Variants in PPFIBP2 observed in about 807,000 individuals in gnomAD.
PPFIBP2 encodes PPFIB scaffold protein 2.
Under a neutral mutation model 118.3 loss-of-function variants are expected in PPFIBP2, and 118 were observed. That is an observed-to-expected ratio of 1.00 (90% confidence interval 0.86 to 1.16). PPFIBP2 has a LOEUF of 1.16. Ranked by LOEUF, PPFIBP2 falls within the 50% of genes most tolerant of loss-of-function variation. PPFIBP2 has a pLI of 0.00. For missense variants in PPFIBP2, 1,195 were observed against 1,073.1 expected (o/e 1.11, Z -1.59); for synonymous variants, 414 against 397.4 (o/e 1.04, Z -0.50).
At chr11:7,566,636 AG>A (rs1384666921) in intron 3 of PPFIBP2, among the ~76,000 whole-genome samples, 2 of 152,196 alleles carry the variant, frequency 1.3e-5, no homozygotes, top group Admixed American at 1.3e-4. Flanking sequence ...CAAAAGTGCT[AG>A]GATTATAAGC....
chr11:7,555,827 A>C (rs1468580617), intron 2 of PPFIBP2, among the ~76,000 whole-genome samples: 1 of 152,166 alleles, frequency 6.6e-6, no homozygotes, highest in Non-Finnish European at 1.5e-5. Flanking sequence ...TAAGGCTGGA[A>C]CTATGTGTTC....
At chr11:7,576,470 C>G (rs936159421) in intron 3 of PPFIBP2, 1 of 152,378 alleles carries the variant, frequency 6.6e-6, no homozygotes, top group African/African-American at 2.4e-5. Context: ...ACCTGGAGAG[C>G]CTGCATGTGA....
the PPFIBP2 span, among the ~76,000 whole-genome samples, chr11:7,663,870 G>A: frequency 0.2 from 30,199 of 152,080 alleles, 3,064 homozygotes; most frequent in Middle Eastern, 0.25. Context: ...TTTTAAGCCC[G>A]TCGGAAAAGC....
chr11:7,653,047 C>T lies in PPFIBP2; in HGVS notation c.2460C>T (p.His820=), dbSNP rs1184609834. ...AGCCAAGGAAACTAGGATTTTCACA[C>T]TTCGGAAACATAAGAAAAAAGAAGT... ...KVRPRKLGFS[H]FGNIRKKKFD... is the part of the protein sequence containing the mutation. The change falls in exon 24 of 24, where the codon CAC becomes CAT. Residue 820 remains histidine (H), a synonymous_variant. Transcript: ENST00000299492. 6.2e-7 allele frequency: 1 copy of T among 1,612,636 alleles called. No homozygotes were observed. Among genetic ancestry groups the T allele is most frequent in the Admixed American group, 1.7e-5 (1 of 59,848 alleles).
intron 1 of PPFIBP2, chr11:7,548,220 T>G (rs535956587): frequency 6.6e-6 from 1 of 152,586 alleles, no homozygotes; most frequent in African/African-American, 2.4e-5. Flanking sequence ...TGGATTTAAC[T>G]ATTATTTCCT....
the PPFIBP2 span, chr11:7,666,326 C>T: frequency 1.5e-6 from 1 of 658,920 alleles, no homozygotes; most frequent in Non-Finnish European, 2.7e-6. Context: ...GGAGCCAGAG[C>T]CCCAGGCTTA....
intron 8 of PPFIBP2, 54 bp from the exon 9 acceptor site, chr11:7,628,231 G>T: frequency 1.4e-6 from 2 of 1,473,132 alleles, no homozygotes; most frequent in Non-Finnish European, 1.9e-6. Context: ...TAGCAAGTGC[G>T]GATAGCTGTC....
At chr11:7,551,054 T>C (rs571932758) in intron 2 of PPFIBP2, among the ~76,000 whole-genome samples, 2 of 152,162 alleles carry the variant, frequency 1.3e-5, no homozygotes, top group African/African-American at 4.8e-5. Context: ...GATATAGATA[T>C]CTATAGATAT....
chr11:7,609,679 A>G (rs998866386), intron 5 of PPFIBP2, among the ~76,000 whole-genome samples: 2 of 152,222 alleles, frequency 1.3e-5, no homozygotes, highest in East Asian at 1.9e-4. Flanking sequence ...ATTGGGAAAG[A>G]ACAATCTTCT....
chr11:7,579,556 C>G (rs548967763), intron 3 of PPFIBP2, among the ~76,000 whole-genome samples: 2 of 152,312 alleles, frequency 1.3e-5, no homozygotes, highest in African/African-American at 2.4e-5. Flanking sequence ...ATCAAGAAAT[C>G]CTTTCAGCCA....
At chr11:7,626,915 T>C (rs76740083) in intron 8 of PPFIBP2, among the ~76,000 whole-genome samples, 13,765 of 152,204 alleles carry the variant, frequency 0.09, 752 homozygotes, top group African/African-American at 0.15. Context: ...AGGAAATTAG[T>C]GATCAATGTG....
chr11:7,637,252 G>T (rs1156730553), intron 14 of PPFIBP2, among the ~76,000 whole-genome samples: 1 of 152,124 alleles, frequency 6.6e-6, no homozygotes, highest in Admixed American at 6.5e-5. Context: ...TTCAAGTTCT[G>T]CCCTGGACCA....
At chr11:7,661,754 G>A (rs1407709165), downstream of PPFIBP2, among the ~76,000 whole-genome samples, 2 of 87,476 alleles carry the variant, frequency 2.3e-5, no homozygotes, top group African/African-American at 7.8e-5. Context: ...GGGTGTTAAA[G>A]TCTCCCATTA....
At chr11:7,635,471 G>A in intron 13 of PPFIBP2, 81 bp from the exon 14 acceptor site, 1 of 1,339,370 alleles carries the variant, frequency 7.5e-7, no homozygotes, top group South Asian at 1.2e-5. Context: ...AAGCAAACAG[G>A]TAGTCCTGAG....
chr11:7,572,952 G>T (rs1178369849), intron 3 of PPFIBP2, among the ~76,000 whole-genome samples: 2 of 152,134 alleles, frequency 1.3e-5, no homozygotes, highest in African/African-American at 4.8e-5. Flanking sequence ...GCTAATTTTT[G>T]TATTTTTCGT....
intron 1 of PPFIBP2, among the ~76,000 whole-genome samples, chr11:7,547,718 C>T (rs1852481610): frequency 6.6e-6 from 1 of 152,162 alleles, no homozygotes. Flanking sequence ...TGAGGTGCCA[C>T]TGAAGTTCCC....
chr11:7,640,717 C>G (rs1010493602), intron 15 of PPFIBP2, among the ~76,000 whole-genome samples: 1 of 152,206 alleles, frequency 6.6e-6, no homozygotes, highest in Non-Finnish European at 1.5e-5. Context: ...GCCCAGGCAC[C>G]TGCACAAGAG....
chr11:7,605,338 G>A (rs549068235), intron 5 of PPFIBP2, among the ~76,000 whole-genome samples: 13 of 152,338 alleles, frequency 8.5e-5, no homozygotes, highest in African/African-American at 3.1e-4. Flanking sequence ...TATTTGAGGA[G>A]AAGAGGGAGA....
chr11:7,608,386 A>AC (rs1847648764), intron 5 of PPFIBP2, among the ~76,000 whole-genome samples: 1 of 152,176 alleles, frequency 6.6e-6, no homozygotes, highest in African/African-American at 2.4e-5. Flanking sequence ...GACGCCTATA[A>AC]TCCCAGCACT....
Sources: gnomAD v4.1 joint callset for allele counts (sites outside exome capture counted in the v4.1 genomes callset) on GRCh38, gnomAD v4.1.1 for gene constraint, MANE v1.5 for transcripts, NCBI Gene and HGNC (gene_info 2026-07-23, HGNC 2026-07-21) for gene names.